Variants in SLC35F1 observed in about 807,000 individuals in gnomAD.
SLC35F1 encodes the protein chromosome 6 open reading frame 169.
SLC35F1 carries 14 observed loss-of-function variants against 48.7 expected under a neutral mutation model. The observed-to-expected ratio is 0.29, with a 90% confidence interval of 0.19 to 0.45. The LOEUF (loss-of-function observed/expected upper bound fraction) is 0.45, where lower values mean the gene tolerates loss of function less well. Ranked by LOEUF, SLC35F1 falls within the 20% of genes least tolerant of loss-of-function variation. SLC35F1 has a pLI of 1.00. For synonymous variants in SLC35F1, 190 were observed against 202.2 expected (o/e 0.94, Z 0.51); for missense variants, 404 against 500.0 (o/e 0.81, Z 1.83).
intron 7 of SLC35F1, among the ~76,000 whole-genome samples, chr6:118,294,604 T>C (rs1776161725): frequency 6.6e-6 from 1 of 152,192 alleles, no homozygotes; most frequent in Non-Finnish European, 1.5e-5. Context: ...GTAACTTTAT[T>C]AAAACAAACT....
chr6:118,083,324 A>T (rs1772939751), intron 1 of SLC35F1, among the ~76,000 whole-genome samples: 1 of 152,226 alleles, frequency 6.6e-6, no homozygotes, highest in Non-Finnish European at 1.5e-5. Context: ...TTCCAAGATA[A>T]GTGGGCTGAC....
chr6:118,093,733 C>T (rs1190827824), intron 1 of SLC35F1, among the ~76,000 whole-genome samples: 2 of 152,108 alleles, frequency 1.3e-5, no homozygotes, highest in African/African-American at 2.4e-5. Flanking sequence ...CTAAAATACA[C>T]CAAGAGAATG....
chr6:118,126,443 A>G (rs1435509766), intron 1 of SLC35F1, among the ~76,000 whole-genome samples: 1 of 152,202 alleles, frequency 6.6e-6, no homozygotes, highest in Non-Finnish European at 1.5e-5. Context: ...CTTTTGGCTT[A>G]GGATTGACTT....
At chr6:118,264,586 A>G (rs755743115) in intron 3 of SLC35F1, among the ~76,000 whole-genome samples, 1 of 152,238 alleles carries the variant, frequency 6.6e-6, no homozygotes, top group Non-Finnish European at 1.5e-5. Flanking sequence ...CTGAGAACCT[A>G]AAAGCTCACT....
intron 1 of SLC35F1, among the ~76,000 whole-genome samples, chr6:118,040,858 C>A (rs117945408): frequency 0.014 from 2,187 of 151,738 alleles, 31 homozygotes; most frequent in Non-Finnish European, 0.023. Flanking sequence ...TCTCCCTAAC[C>A]CCCAAACCTA....
At chr6:118,193,464 G>T (rs1051635196) in intron 2 of SLC35F1, among the ~76,000 whole-genome samples, 1 of 152,080 alleles carries the variant, frequency 6.6e-6, no homozygotes, top group Non-Finnish European at 1.5e-5. Context: ...TCCACAACTT[G>T]TTCAAACTTT....
At chr6:118,202,712 A>G (rs1774887451) in intron 2 of SLC35F1, among the ~76,000 whole-genome samples, 2 of 152,222 alleles carry the variant, frequency 1.3e-5, no homozygotes, top group Non-Finnish European at 2.9e-5. Context: ...ACAGACAACC[A>G]CATAAACAAA....
chr6:118,191,207 A>G (rs1430403774), intron 2 of SLC35F1, among the ~76,000 whole-genome samples: 1 of 152,284 alleles, frequency 6.6e-6, no homozygotes, highest in East Asian at 1.9e-4. Flanking sequence ...ATGTACCATT[A>G]AAGTTTCTCA....
At position 117,921,616 on chromosome 6, in the gene SLC35F1, C is replaced by A. The variant is rs568366701; in HGVS notation, c.173+13717C>A. Among the ~76,000 whole-genome samples, 7 of 152,260 alleles carry A rather than the reference C, an allele frequency of 4.6e-5. No individual in the cohort carries two copies. The East Asian group carries it at 5.8e-4, about 13-fold the overall frequency. On this transcript the variant is annotated intron_variant, in intron 1 of 7. Coordinates refer to ENST00000360388, the MANE Select transcript of SLC35F1 (RefSeq NM_001029858.4). ...TAGTGAAAGCGGGGTGCTTTCAAGCCTAAAGAAGTATAGGCAATGAGGTGC... is the reference window on the plus strand; with the variant it reads ...TAGTGAAAGCGGGGTGCTTTCAAGCATAAAGAAGTATAGGCAATGAGGTGC...
intron 3 of SLC35F1, among the ~76,000 whole-genome samples, chr6:118,246,533 C>A (rs1005826022): frequency 6.6e-6 from 1 of 152,110 alleles, no homozygotes; most frequent in Non-Finnish European, 1.5e-5. Context: ...CCAGAGGTGA[C>A]ACCTGAACAG....
intron 2 of SLC35F1, among the ~76,000 whole-genome samples, chr6:118,211,072 A>G (rs1774995533): frequency 6.6e-6 from 1 of 152,216 alleles, no homozygotes; most frequent in South Asian, 2.1e-4. Context: ...TATCTGGAAG[A>G]CACAGGGACA....
intron 1 of SLC35F1, among the ~76,000 whole-genome samples, chr6:118,105,862 A>G (rs2114373397): frequency 6.6e-6 from 1 of 152,320 alleles, no homozygotes; most frequent in Non-Finnish European, 1.5e-5. Context: ...TCACGATCAT[A>G]CATCAAAGTA....
At chr6:118,085,487 C>CTATTT (rs1772974938) in intron 1 of SLC35F1, among the ~76,000 whole-genome samples, 1 of 56,938 alleles carries the variant, frequency 1.8e-5, no homozygotes, top group African/African-American at 7.4e-5. Context: ...TCTTTCTTTC[C>CTATTT]TTTTTTTTTT....
intron 1 of SLC35F1, among the ~76,000 whole-genome samples, chr6:117,913,905 T>C (rs1369260776): frequency 6.6e-6 from 1 of 151,850 alleles, no homozygotes; most frequent in Non-Finnish European, 1.5e-5. Flanking sequence ...ACAAAAATTA[T>C]CTGGGCGTGG....
chr6:118,203,371 C>A (rs1774894736), intron 2 of SLC35F1, among the ~76,000 whole-genome samples: 2 of 152,204 alleles, frequency 1.3e-5, no homozygotes, highest in Non-Finnish European at 2.9e-5. Flanking sequence ...GCACAAGATA[C>A]CCTCCCCTCA....
chr6:118,082,575 A>G (rs952142906), intron 1 of SLC35F1, among the ~76,000 whole-genome samples: 3 of 151,992 alleles, frequency 2.0e-5, no homozygotes, highest in African/African-American at 7.3e-5. Flanking sequence ...TAACAAACAA[A>G]GAAGGGATTT....
At chr6:118,177,091 T>C (rs977842469) in intron 2 of SLC35F1, among the ~76,000 whole-genome samples, 4 of 152,122 alleles carry the variant, frequency 2.6e-5, no homozygotes, top group Non-Finnish European at 4.4e-5. Context: ...TAATAATCTT[T>C]TGTATTCCTG....
intron 1 of SLC35F1, among the ~76,000 whole-genome samples, chr6:118,141,998 T>C (rs1403416089): frequency 6.6e-6 from 1 of 152,174 alleles, no homozygotes; most frequent in Admixed American, 6.5e-5. Context: ...GAGACTGGTT[T>C]TTAGTTTTAT....
At chr6:118,087,399 C>T (rs1292359436) in intron 1 of SLC35F1, among the ~76,000 whole-genome samples, 6 of 152,124 alleles carry the variant, frequency 3.9e-5, no homozygotes, top group African/African-American at 9.7e-5. Flanking sequence ...TCAACATATT[C>T]GTTTTGAGGA....
Sources: gnomAD v4.1 joint callset for allele counts (sites outside exome capture counted in the v4.1 genomes callset) on GRCh38, gnomAD v4.1.1 for gene constraint, MANE v1.5 for transcripts, NCBI Gene and HGNC (gene_info 2026-07-23, HGNC 2026-07-21) for gene names.